PTPRG: variants seen among roughly 807,000 people sequenced by gnomAD.
The protein encoded by PTPRG is protein tyrosine phosphatase receptor type G, also known as receptor-type tyrosine-protein phosphatase gamma.
A neutral mutation model predicts 165.3 loss-of-function variants in PTPRG; 102 were observed. The ratio of observed to expected loss-of-function variants is 0.62; its 90% confidence interval spans 0.53 to 0.73. The LOEUF (loss-of-function observed/expected upper bound fraction) is 0.73. Among genes scored for constraint, PTPRG ranks in the 30% least tolerant of loss-of-function variants. The pLI is 0.00. For missense variants in PTPRG, 1,866 were observed against 1,861.4 expected, an observed-to-expected ratio of 1.00 and a Z score of -0.05; for synonymous variants, 675 against 669.5, an observed-to-expected ratio of 1.01 and a Z score of -0.13.
chr3:62,089,501 T>G (rs1701861037), intron 5 of PTPRG, among the ~76,000 whole-genome samples: 1 of 152,214 alleles, frequency 6.6e-6, no homozygotes, highest in South Asian at 2.1e-4. Flanking sequence ...ATAGAAATAT[T>G]TTATCCTTCC....
At chr3:62,276,890 A>G (rs1057100033) in intron 24 of PTPRG, 82 bp from the exon 25 acceptor site, 4 of 1,049,412 alleles carry the variant, frequency 3.8e-6, no homozygotes, top group Non-Finnish European at 5.9e-6. Context: ...TATGTTATTC[A>G]TCAAGCAAAT....
chr3:62,035,051 C>T (rs1007922628), intron 4 of PTPRG, among the ~76,000 whole-genome samples: 1 of 152,152 alleles, frequency 6.6e-6, no homozygotes, highest in Non-Finnish European at 1.5e-5. Flanking sequence ...GACAGACCTC[C>T]AGGCCTCTGA....
chr3:61,787,755 C>A (rs1357928437), intron 2 of PTPRG, among the ~76,000 whole-genome samples: 1 of 152,060 alleles, frequency 6.6e-6, no homozygotes, highest in Non-Finnish European at 1.5e-5. Flanking sequence ...CTTAAAAGGC[C>A]GATTTATTGA....
intron 3 of PTPRG, among the ~76,000 whole-genome samples, chr3:61,998,352 C>G (rs867204415): frequency 5.3e-5 from 8 of 152,164 alleles, no homozygotes; most frequent in Admixed American, 4.6e-4. Flanking sequence ...TAATAACCTT[C>G]CTAAAGGTTG....
At chr3:61,884,316 C>A (rs1253159432) in intron 2 of PTPRG, among the ~76,000 whole-genome samples, 1 of 152,170 alleles carries the variant, frequency 6.6e-6, no homozygotes, top group East Asian at 1.9e-4. Context: ...ACATGGTATA[C>A]CAGCTCGGTG....
chr3:61,926,422 C>T (rs980987798), intron 2 of PTPRG, among the ~76,000 whole-genome samples: 1 of 151,982 alleles, frequency 6.6e-6, no homozygotes, highest in African/African-American at 2.4e-5. Context: ...GATACGTGTG[C>T]CTCTCCTTCA....
At chr3:61,744,638 C>G (rs2033127271) in intron 1 of PTPRG, among the ~76,000 whole-genome samples, 1 of 152,132 alleles carries the variant, frequency 6.6e-6, no homozygotes, top group Non-Finnish European at 1.5e-5. Context: ...CTTGATTATG[C>G]TCTTACAGAT....
chr3:61,806,509 T>A (rs2107191729), intron 2 of PTPRG, among the ~76,000 whole-genome samples: 1 of 152,344 alleles, frequency 6.6e-6, no homozygotes, highest in Middle Eastern at 3.4e-3. Context: ...AATTTAATGA[T>A]TAAGTCTTTT....
At chr3:61,667,444 A>G (rs1702840660) in intron 1 of PTPRG, among the ~76,000 whole-genome samples, 1 of 152,202 alleles carries the variant, frequency 6.6e-6, no homozygotes, top group Non-Finnish European at 1.5e-5. Flanking sequence ...AATGCCATTA[A>G]TTAGATTTAA....
chr3:62,012,186 T>C (rs904914854), intron 4 of PTPRG, among the ~76,000 whole-genome samples: 12 of 152,224 alleles, frequency 7.9e-5, no homozygotes, highest in Non-Finnish European at 1.6e-4. Context: ...AGAGGGACTC[T>C]TCTTATACCC....
At chr3:61,765,524 C>G (rs2033990824) in intron 2 of PTPRG, among the ~76,000 whole-genome samples, 1 of 152,286 alleles carries the variant, frequency 6.6e-6, no homozygotes, top group East Asian at 1.9e-4. Context: ...CAAGCCCCTA[C>G]AGCACCCTGA....
At chr3:62,118,699 C>A (rs1702951082) in intron 5 of PTPRG, among the ~76,000 whole-genome samples, 1 of 152,212 alleles carries the variant, frequency 6.6e-6, no homozygotes, top group Non-Finnish European at 1.5e-5. Flanking sequence ...ATGTGATAAT[C>A]CCCTGGTCTG....
chr3:61,683,166 A>G (rs1044370276), intron 1 of PTPRG, among the ~76,000 whole-genome samples: 2 of 152,334 alleles, frequency 1.3e-5, no homozygotes, highest in Admixed American at 1.3e-4. Context: ...CATAAAGTTG[A>G]ATTGCTCTTT....
rs756680088 is a variant in PTPRG at position 61,592,571 on chromosome 3, G to A, written c.85+30199G>A. Reference sequence around the variant, plus strand: ...AAAGTTTAGCCTAATCAAAATAGTTGCATATTATTTTCTTAGTAGTCATTG... The same window carrying A: ...AAAGTTTAGCCTAATCAAAATAGTTACATATTATTTTCTTAGTAGTCATTG... On this transcript the variant is annotated intron_variant, in intron 1 of 29. Coordinates refer to ENST00000474889, the MANE Select transcript of PTPRG (RefSeq NM_002841.4). Among the ~76,000 whole-genome samples, 2 of 150,542 alleles carry A rather than the reference G, an allele frequency of 1.3e-5. 1 individual carries two copies. Among genetic ancestry groups the A allele is most frequent in the South Asian group, 4.2e-4 (2 of 4,786 alleles).
intron 2 of PTPRG, among the ~76,000 whole-genome samples, chr3:61,983,200 A>G (rs1049685840): frequency 1.3e-5 from 2 of 152,220 alleles, no homozygotes; most frequent in African/African-American, 4.8e-5. Context: ...ATGCACAAGA[A>G]GTAATTAAGC....
intron 6 of PTPRG, among the ~76,000 whole-genome samples, chr3:62,150,519 C>T (rs371079835): frequency 7.7e-4 from 118 of 152,290 alleles, no homozygotes; most frequent in African/African-American, 2.7e-3. Context: ...GTTTAAGTGG[C>T]GCTGTCATAA....
At chr3:62,159,814 C>G (rs1331393748) in intron 7 of PTPRG, among the ~76,000 whole-genome samples, 1 of 152,226 alleles carries the variant, frequency 6.6e-6, no homozygotes. Context: ...CCCTCTCTCT[C>G]TCCCAAGGGA....
At chr3:61,677,313 T>TTATA (rs939085785) in intron 1 of PTPRG, among the ~76,000 whole-genome samples, 127 of 152,150 alleles carry the variant, frequency 8.3e-4, no homozygotes, top group African/African-American at 2.9e-3. Context: ...AGGTGCTGTG[T>TTATA]TATACCTGGC....
intron 8 of PTPRG, among the ~76,000 whole-genome samples, chr3:62,168,886 T>C (rs554649237): frequency 2.6e-5 from 4 of 152,214 alleles, no homozygotes; most frequent in South Asian, 4.2e-4. Flanking sequence ...GGGGGTTTTA[T>C]TGAGTGGCGG....
Sources: gnomAD v4.1 joint callset for allele counts (sites outside exome capture counted in the v4.1 genomes callset) on GRCh38, gnomAD v4.1.1 for gene constraint, MANE v1.5 for transcripts, NCBI Gene and HGNC (gene_info 2026-07-23, HGNC 2026-07-21) for gene names.